The following CNTN4 variants were observed in gnomAD, a reference collection of about 807,000 sequenced individuals.
CNTN4 encodes the protein contactin 4.
Under a neutral mutation model 122.5 loss-of-function variants are expected in CNTN4, and 77 were observed. That is an observed-to-expected ratio of 0.63 (90% CI 0.52 to 0.76). The LOEUF (loss-of-function observed/expected upper bound fraction) is 0.76. Among genes scored for constraint, CNTN4 ranks in the 30% least tolerant of loss-of-function variants. The probability of loss-of-function intolerance (pLI) is 0.00; values close to 1 mark genes in which losing one functional copy is unlikely to be tolerated. For missense variants in CNTN4, 1,256 were observed against 1,259.1 expected (o/e 1.00, Z 0.04); for synonymous variants, 512 against 447.0 (o/e 1.15, Z -1.83).
chr3:2,764,040 CA>C (rs966348342), intron 6 of CNTN4, among the ~76,000 whole-genome samples: 1 of 150,386 alleles, frequency 6.6e-6, no homozygotes, highest in Non-Finnish European at 1.5e-5. Context: ...TGGAGGGATA[CA>C]AAAAAAAGAG....
intron 4 of CNTN4, among the ~76,000 whole-genome samples, chr3:2,633,467 A>T (rs1163263185): frequency 6.6e-6 from 1 of 152,230 alleles, no homozygotes; most frequent in Non-Finnish European, 1.5e-5. Flanking sequence ...GGATTTCAGC[A>T]TGGTGGACTT....
At chr3:2,690,724 CTT>C (rs2085689670) in intron 4 of CNTN4, among the ~76,000 whole-genome samples, 1 of 152,128 alleles carries the variant, frequency 6.6e-6, no homozygotes, top group African/African-American at 2.4e-5. Context: ...CTAAGAAAGA[CTT>C]CAGCTGTAAA....
intron 7 of CNTN4, among the ~76,000 whole-genome samples, chr3:2,842,430 T>G (rs2093378839): frequency 6.6e-6 from 1 of 152,164 alleles, no homozygotes. Flanking sequence ...ATCGTTTTAC[T>G]CCTCTCTCCT....
At chr3:2,684,804 T>C (rs757040961) in intron 4 of CNTN4, among the ~76,000 whole-genome samples, 11 of 152,212 alleles carry the variant, frequency 7.2e-5, no homozygotes, top group Non-Finnish European at 1.2e-4. Flanking sequence ...TGTTGTTTTG[T>C]TGTAATCTGT....
At chr3:2,951,061 T>G (rs1404461541) in intron 13 of CNTN4, among the ~76,000 whole-genome samples, 1 of 152,242 alleles carries the variant, frequency 6.6e-6, no homozygotes, top group Non-Finnish European at 1.5e-5. Flanking sequence ...ATAATAATGG[T>G]AACCATCTTA....
In CNTN4 at chr3:2,473,993, G is replaced by A. The variant is rs137976927; in HGVS notation, c.-88-97423G>A. On this transcript the variant is annotated intron_variant, in intron 3 of 24. Coordinates refer to ENST00000418658, the MANE Select transcript of CNTN4 (RefSeq NM_175607.3). Reference sequence around the variant, plus strand: ...CACGCCACTGCACTCCAGCCTGGGCGACAAAAGCAAAACTCGGTCTCAAAA... The same window carrying A: ...CACGCCACTGCACTCCAGCCTGGGCAACAAAAGCAAAACTCGGTCTCAAAA... Among the ~76,000 whole-genome samples the A allele has an allele frequency of 1.6e-4, 24 of 149,942 alleles. No homozygotes were observed. The East Asian group carries it at 2.0e-3, about 12-fold the overall frequency.
chr3:2,125,803 G>A (rs1352772590), intron 2 of CNTN4, among the ~76,000 whole-genome samples: 3 of 151,730 alleles, frequency 2.0e-5, no homozygotes, highest in African/African-American at 4.8e-5. Context: ...TGATCCGCCC[G>A]CCTCAGCCTC....
intron 4 of CNTN4, among the ~76,000 whole-genome samples, chr3:2,616,604 A>C (rs2081750993): frequency 6.6e-6 from 1 of 152,174 alleles, no homozygotes; most frequent in Non-Finnish European, 1.5e-5. Flanking sequence ...AACAGTATAA[A>C]AGCATTCCTA....
chr3:2,137,839 C>A (rs1257967065), intron 2 of CNTN4, among the ~76,000 whole-genome samples: 1 of 152,146 alleles, frequency 6.6e-6, no homozygotes, highest in Admixed American at 6.5e-5. Flanking sequence ...CCTACCCCAC[C>A]CCTACTGCAT....
intron 3 of CNTN4, among the ~76,000 whole-genome samples, chr3:2,425,474 C>A (rs1337077729): frequency 6.6e-6 from 1 of 152,112 alleles, no homozygotes; most frequent in Non-Finnish European, 1.5e-5. Flanking sequence ...GTTACTGTAG[C>A]CTTGTAGTAT....
At chr3:2,198,780 C>G (rs1048182241) in intron 2 of CNTN4, among the ~76,000 whole-genome samples, 1 of 152,120 alleles carries the variant, frequency 6.6e-6, no homozygotes, top group Non-Finnish European at 1.5e-5. Flanking sequence ...TATTTGAAAA[C>G]CAGCTCTTAT....
intron 3 of CNTN4, among the ~76,000 whole-genome samples, chr3:2,450,897 G>A (rs778867723): frequency 6.6e-6 from 1 of 152,186 alleles, no homozygotes; most frequent in Non-Finnish European, 1.5e-5. Context: ...AGGCAGGCAA[G>A]AACCAAGCTG....
At chr3:2,902,702 G>C (rs2094188048) in intron 11 of CNTN4, among the ~76,000 whole-genome samples, 174 bp from the exon 12 acceptor site, 2 of 152,266 alleles carry the variant, frequency 1.3e-5, no homozygotes, top group Middle Eastern at 6.8e-3. Flanking sequence ...GTTCCATTTA[G>C]CATCTGACCT....
chr3:2,614,291 A>C (rs563923431), intron 4 of CNTN4, among the ~76,000 whole-genome samples: 1 of 152,302 alleles, frequency 6.6e-6, no homozygotes, highest in East Asian at 1.9e-4. Context: ...AGTGGGAAAG[A>C]GGAAGATGAG....
intron 2 of CNTN4, among the ~76,000 whole-genome samples, chr3:2,280,198 G>C (rs2041666455): frequency 6.6e-6 from 1 of 152,078 alleles, no homozygotes; most frequent in South Asian, 2.1e-4. Context: ...GGGCTCAAGT[G>C]ATTCACCTGC....
chr3:2,671,725 T>C (rs560449841), intron 4 of CNTN4, among the ~76,000 whole-genome samples: 1 of 152,270 alleles, frequency 6.6e-6, no homozygotes, highest in Non-Finnish European at 1.5e-5. Context: ...TGGGGAAAGG[T>C]CTACCTTTGG....
chr3:2,322,325 A>G (rs935489936), intron 2 of CNTN4, among the ~76,000 whole-genome samples: 2 of 152,188 alleles, frequency 1.3e-5, no homozygotes, highest in South Asian at 2.1e-4. Context: ...TAAACAAAAC[A>G]TGGTGTAAAC....
At chr3:2,140,050 A>G (rs543796354) in intron 2 of CNTN4, among the ~76,000 whole-genome samples, 37 of 152,282 alleles carry the variant, frequency 2.4e-4, no homozygotes, top group Non-Finnish European at 4.9e-4. Flanking sequence ...ATGGCTTTAT[A>G]AAGAGGAGTT....
intron 6 of CNTN4, among the ~76,000 whole-genome samples, chr3:2,770,037 T>C (rs1183315581): frequency 6.9e-6 from 1 of 145,406 alleles, no homozygotes. Context: ...GTTTGTTTGT[T>C]TTTTTTTTTT....
Sources: allele counts gnomAD v4.1 joint callset (sites outside exome capture counted in the v4.1 genomes callset), GRCh38; gene constraint gnomAD v4.1.1; transcripts MANE v1.5; gene names NCBI Gene and HGNC (gene_info 2026-07-23, HGNC 2026-07-21).